The following DISC1 variants were observed in gnomAD, a reference collection of about 807,000 sequenced individuals.
DISC1 encodes DISC1 scaffold protein.
Under a neutral mutation model 84.5 loss-of-function variants are expected in DISC1, and 57 were observed. The ratio of observed to expected loss-of-function variants is 0.67; its 90% CI spans 0.55 to 0.84. DISC1 has a LOEUF of 0.84. DISC1 is among the 40% of genes least tolerant of loss of function. The pLI is 0.00. For synonymous variants in DISC1, 411 were observed against 415.2 expected (o/e 0.99, Z 0.12); for missense variants, 1,000 against 1,057.8 (o/e 0.95, Z 0.76).
chr1:231,784,586 CAGA>C (rs1558539876), intron 6 of DISC1, among the ~76,000 whole-genome samples: 1 of 152,200 alleles, frequency 6.6e-6, no homozygotes, highest in African/African-American at 2.4e-5. Flanking sequence ...TGATTTTGGT[CAGA>C]TTACTCTAAA....
At chr1:231,861,087 C>T (rs972375692) in intron 9 of DISC1, among the ~76,000 whole-genome samples, 9 of 152,104 alleles carry the variant, frequency 5.9e-5, no homozygotes, top group East Asian at 1.9e-4. Context: ...CTGTGAATGT[C>T]GGCACAGGAA....
intron 2 of DISC1, 149 bp downstream of exon 2, chr1:231,694,954 T>G (rs1447088038): frequency 3.5e-6 from 4 of 1,143,098 alleles, no homozygotes; most frequent in Non-Finnish European, 5.1e-6. Context: ...CACAGGATGT[T>G]GCTGCACTTC....
chr1:232,022,828 G>A (rs1669092975), intron 11 of DISC1, among the ~76,000 whole-genome samples: 1 of 152,088 alleles, frequency 6.6e-6, no homozygotes, highest in Admixed American at 6.5e-5. Flanking sequence ...TTCACATTCA[G>A]TATCCTCTCA....
In DISC1 at chr1:231,694,516, A is replaced by T. The variant is rs2065405655; in HGVS notation, c.758A>T (p.Asp253Val). ...ATGGGAGCCAAAGCTGCCAGCTTGG[A>T]CGGGCCTCACGAGGACCCGCGATGT... ...QEMGAKAASL[D>V]GPHEDPRCLS... Residue 253 changes from aspartate to valine, a missense_variant, in exon 2 of 13, where the codon GAC (aspartate) becomes GTC (valine). Transcript: ENST00000439617. 1.2e-6 allele frequency: 2 copies of T among 1,614,242 alleles called. No homozygotes were observed. The highest frequency in any genetic ancestry group is 1.7e-5 in the Admixed American group (1 of 60,030).
intron 3 of DISC1, among the ~76,000 whole-genome samples, chr1:231,706,448 C>T (rs936305329): frequency 6.6e-6 from 1 of 152,278 alleles, no homozygotes; most frequent in Middle Eastern, 3.4e-3. Flanking sequence ...CCATAATATC[C>T]CCCTGGCTGC....
chr1:231,652,898 G>A (rs1009544885), intron 1 of DISC1, among the ~76,000 whole-genome samples: 2 of 152,150 alleles, frequency 1.3e-5, no homozygotes, highest in African/African-American at 4.8e-5. Context: ...TTCTGTCTCA[G>A]CCTCCTGAGT....
intron 9 of DISC1, among the ~76,000 whole-genome samples, chr1:231,902,548 C>T (rs1278894011): frequency 6.6e-6 from 1 of 151,930 alleles, no homozygotes; most frequent in Non-Finnish European, 1.5e-5. Context: ...TTGCAGTGAG[C>T]CAAATTCACG....
At chr1:231,773,050 A>G (rs1217901743) in intron 6 of DISC1, among the ~76,000 whole-genome samples, 1 of 152,214 alleles carries the variant, frequency 6.6e-6, no homozygotes, top group Non-Finnish European at 1.5e-5. Context: ...TCATTTTGCA[A>G]CTGAGGAATC....
At chr1:231,863,555 T>C (rs185821767) in intron 9 of DISC1, among the ~76,000 whole-genome samples, 8 of 152,324 alleles carry the variant, frequency 5.3e-5, no homozygotes, top group African/African-American at 1.7e-4. Flanking sequence ...AACAAAAGCA[T>C]AGCTTTATGT....
At position 231,923,493 on chromosome 1, in the gene DISC1, CTCTT is replaced by C. The variant is rs1194178215; in HGVS notation, c.1982-35329_1982-35326del. 4.6e-5 allele frequency among the ~76,000 whole-genome samples: 7 copies of C among 152,094 alleles called. No homozygotes were observed. In the East Asian group the frequency reaches 1.3e-3, roughly 29 times the overall value. On this transcript the variant is annotated intron_variant, in intron 9 of 12. Transcript: ENST00000439617. ...AAATTTTGTTTCAAAAACTGGCCTT[CTCTT>C]TCTTTTTATTCTGCAACATTTTGCC...
intron 9 of DISC1, among the ~76,000 whole-genome samples, chr1:231,831,574 C>A (rs2082227616): frequency 6.6e-6 from 1 of 152,170 alleles, no homozygotes; most frequent in African/African-American, 2.4e-5. Context: ...ATAAGCGTTG[C>A]CTAGAGCAAT....
At chr1:231,893,446 T>C (rs962999118) in intron 9 of DISC1, among the ~76,000 whole-genome samples, 1 of 152,178 alleles carries the variant, frequency 6.6e-6, no homozygotes, top group Non-Finnish European at 1.5e-5. Context: ...CTTGGAAATT[T>C]AATAAAAGGT....
At chr1:231,807,236 C>T (rs115957467) in intron 8 of DISC1, among the ~76,000 whole-genome samples, 220 of 152,356 alleles carry the variant, frequency 1.4e-3, no homozygotes, top group African/African-American at 4.8e-3. Context: ...TCATCTGGAA[C>T]GGGGCCAGCC....
chr1:231,799,753 G>A (rs2079041337), intron 7 of DISC1, among the ~76,000 whole-genome samples: 1 of 150,842 alleles, frequency 6.6e-6, no homozygotes, highest in South Asian at 2.1e-4. Flanking sequence ...GTAATTGGAT[G>A]TGGGGTGATG....
chr1:231,932,185 C>T (rs1475539395), intron 9 of DISC1, among the ~76,000 whole-genome samples: 2 of 152,122 alleles, frequency 1.3e-5, no homozygotes, highest in Non-Finnish European at 1.5e-5. Context: ...AAATAACCTA[C>T]CTAATGACAA....
At chr1:232,024,660 T>G (rs1669283605) in intron 11 of DISC1, among the ~76,000 whole-genome samples, 1 of 152,058 alleles carries the variant, frequency 6.6e-6, no homozygotes, top group Admixed American at 6.6e-5. Flanking sequence ...TGGCATGATC[T>G]CAGATCACTG....
At chr1:231,880,778 G>A (rs2086237252) in intron 9 of DISC1, among the ~76,000 whole-genome samples, 1 of 151,886 alleles carries the variant, frequency 6.6e-6, no homozygotes, top group Non-Finnish European at 1.5e-5. Flanking sequence ...GAAATCATCG[G>A]GATGTGGAAA....
intron 9 of DISC1, among the ~76,000 whole-genome samples, chr1:231,834,300 A>G (rs1207436292): frequency 1.1e-4 from 16 of 152,208 alleles, no homozygotes; most frequent in South Asian, 8.3e-4. Context: ...GGGAGAGGTC[A>G]GATGGGTCTG....
chr1:231,984,862 A>G (rs965363026), intron 10 of DISC1, among the ~76,000 whole-genome samples: 2 of 152,180 alleles, frequency 1.3e-5, no homozygotes, highest in South Asian at 2.1e-4. Flanking sequence ...AGGGGTTGGC[A>G]AGGACATGAA....
Sources: gnomAD v4.1 joint callset for allele counts (sites outside exome capture counted in the v4.1 genomes callset) on GRCh38, gnomAD v4.1.1 for gene constraint, MANE v1.5 for transcripts, NCBI Gene and HGNC (gene_info 2026-07-23, HGNC 2026-07-21) for gene names.